Variants in CLIP2 observed in about 807,000 individuals in gnomAD.
CLIP2 encodes the protein CAP-Gly domain containing linker protein 2.
A neutral mutation model predicts 111.7 loss-of-function variants in CLIP2; 41 were observed. The ratio of observed to expected loss-of-function variants is 0.37; its 90% confidence interval spans 0.29 to 0.48. CLIP2 has a LOEUF of 0.48. Among genes scored for constraint, CLIP2 ranks in the 20% least tolerant of loss-of-function variants. CLIP2 has a pLI of 0.99. For synonymous variants in CLIP2, 660 were observed against 644.2 expected, an observed-to-expected ratio of 1.02 and a Z score of -0.37; for missense variants, 1,160 against 1,422.1, an observed-to-expected ratio of 0.82 and a Z score of 2.96.
At chr7:74,303,312 A>T (rs1284638598) in intron 1 of CLIP2, among the ~76,000 whole-genome samples, 1 of 152,192 alleles carries the variant, frequency 6.6e-6, no homozygotes, top group African/African-American at 2.4e-5. Flanking sequence ...GGGTCCGTGG[A>T]GCAGGTGAGG....
chr7:74,325,493 C>T (rs763777582), intron 2 of CLIP2, among the ~76,000 whole-genome samples: 14 of 152,144 alleles, frequency 9.2e-5, no homozygotes, highest in Non-Finnish European at 1.5e-4. Context: ...GTCGCCCCAG[C>T]TGCCGTTCAG....
chr7:74,327,239 A>C (rs1554730773), intron 2 of CLIP2, among the ~76,000 whole-genome samples: 4 of 152,094 alleles, frequency 2.6e-5, no homozygotes, highest in African/African-American at 9.7e-5. Context: ...AGTAGCTGGG[A>C]TTACAGGCAT....
In CLIP2 at chr7:74,376,465, G is replaced by A; in HGVS notation, c.2064G>A (p.Lys688=). ...HVKEKEALRE[K]LQEAQEELAG... Reference sequence around the variant, plus strand: ...AGGAGAAGGAGGCCCTGCGAGAGAAGCTGCAGGAGGCCCAGGAGGAGCTGG... The same window carrying A: ...AGGAGAAGGAGGCCCTGCGAGAGAAACTGCAGGAGGCCCAGGAGGAGCTGG... Residue 688 remains lysine, a synonymous_variant, in exon 10 of 17, where the codon AAG becomes AAA. Transcript: ENST00000223398. This position sits in a 1 kb window ranked among gnomAD's most constrained non-coding sequence, Gnocchi z 7.1. The A allele has an allele frequency of 6.2e-7, 1 of 1,613,384 alleles. No individual in the cohort carries two copies. Among genetic ancestry groups the A allele is most frequent in the Non-Finnish European group, 8.5e-7 (1 of 1,179,902 alleles).
At chr7:74,308,041 A>C (rs1788542170) in intron 1 of CLIP2, among the ~76,000 whole-genome samples, 1 of 152,162 alleles carries the variant, frequency 6.6e-6, no homozygotes, top group Non-Finnish European at 1.5e-5. Context: ...TGACGAAGAC[A>C]GACAAGAACA....
At chr7:74,349,093 A>G (rs1220708602) in intron 3 of CLIP2, among the ~76,000 whole-genome samples, 1 of 152,090 alleles carries the variant, frequency 6.6e-6, no homozygotes, top group Non-Finnish European at 1.5e-5. Context: ...ATGGACAAGC[A>G]CAATGCATTC....
chr7:74,336,090 TAG>T (rs1789448278), intron 2 of CLIP2, among the ~76,000 whole-genome samples: 1 of 151,778 alleles, frequency 6.6e-6, no homozygotes, highest in Non-Finnish European at 1.5e-5. Flanking sequence ...TTCTTTCAGA[TAG>T]AGTCTTGCTC....
chr7:74,319,236 G>A lies in CLIP2; in HGVS notation c.121+1569G>A, dbSNP rs543804916. Among the ~76,000 whole-genome samples, 7 of 152,288 alleles carry A rather than the reference G, an allele frequency of 4.6e-5. No homozygotes were observed. The South Asian group carries it at 8.3e-4, about 18-fold the overall frequency. Reference sequence around the variant, plus strand: ...GATTTGTTAAGAAAGAAAAAGGCCGGGGACGGTGGCTCATGCCTGTAATCC... The same window carrying A: ...GATTTGTTAAGAAAGAAAAAGGCCGAGGACGGTGGCTCATGCCTGTAATCC... On this transcript the variant is annotated intron_variant, in intron 2 of 16. Coordinates refer to ENST00000223398, the MANE Select transcript of CLIP2 (RefSeq NM_003388.5).
At position 74,338,823 on chromosome 7, in the gene CLIP2, C is replaced by T. The variant is rs782204827; in HGVS notation, c.497C>T (p.Ala166Val). 1 of 1,611,190 alleles carries T rather than the reference C, an allele frequency of 6.2e-7. No individual in the cohort carries two copies. Among genetic ancestry groups the T allele is most frequent in the Non-Finnish European group, 8.5e-7 (1 of 1,179,908 alleles). The change falls in exon 3 of 17, where the codon GCC (alanine) becomes GTC (valine). Residue 166 changes from alanine to valine, a missense_variant. Transcript: ENST00000223398. This position sits in a 1 kb window ranked among gnomAD's most constrained non-coding sequence, Gnocchi z 4.3. The part of the protein sequence containing the change: ...SDAHSVESLT[A>V]QNLSLHSGTA... ...GCCCACTCCGTGGAGTCGCTGACTGCCCAGAACCTGTCATTGCATTCGGGC... is the reference window on the plus strand; with the variant it reads ...GCCCACTCCGTGGAGTCGCTGACTGTCCAGAACCTGTCATTGCATTCGGGC...
At chr7:74,328,719 C>T (rs1789190067) in intron 2 of CLIP2, among the ~76,000 whole-genome samples, 1 of 152,034 alleles carries the variant, frequency 6.6e-6, no homozygotes, top group Non-Finnish European at 1.5e-5. Context: ...CTGAAACAGC[C>T]TGCTTGATGC....
chr7:74,364,360 C>G, intron 8 of CLIP2, 45 bp downstream of exon 8: 2 of 1,557,944 alleles, frequency 1.3e-6, no homozygotes, highest in Non-Finnish European at 1.8e-6. Context: ...AGCACCGGTG[C>G]CTGGCCCTTG....
intron 2 of CLIP2, among the ~76,000 whole-genome samples, chr7:74,321,757 C>T (rs769937463): frequency 3.3e-5 from 5 of 151,698 alleles, no homozygotes; most frequent in South Asian, 2.1e-4. Context: ...TGTGAGCCAC[C>T]GCGCCTGGCC....
rs557749235 is a variant in CLIP2, at chr7:74,316,092, C to G, written c.-67-1388C>G. Among the ~76,000 whole-genome samples, 28 of 141,906 alleles carry G rather than the reference C, an allele frequency of 2.0e-4. No homozygotes were observed. In the Admixed American group the frequency reaches 2.1e-3, roughly 11 times the overall value. The allele number at this position is 141,906 out of a possible 152,430, so 93.1% of individuals were successfully genotyped here. On this transcript the variant is annotated intron_variant, in intron 1 of 16. Transcript: ENST00000223398. ...GTTCCCCTCCCTGTGTCCATGTGTT[C>G]TCATTGTCCAGCTCCGACTTACAAG...
At chr7:74,358,043 C>CCATGCCCAGCCCTGCT (rs1554308901) in intron 6 of CLIP2, among the ~76,000 whole-genome samples, 1 of 146,408 alleles carries the variant, frequency 6.8e-6, no homozygotes, top group African/African-American at 2.5e-5. Flanking sequence ...GTGTGAGCCA[C>CCATGCCCAGCCCTGCT]TGCAAGGGTT....
intron 3 of CLIP2, among the ~76,000 whole-genome samples, chr7:74,348,995 T>A (rs78025124): frequency 0.11 from 17,212 of 150,528 alleles, 1,309 homozygotes; most frequent in East Asian, 0.29. Context: ...AGAAAAAATT[T>A]AAAAAAATCT....
intron 7 of CLIP2, among the ~76,000 whole-genome samples, chr7:74,362,897 C>A (rs1790371436): frequency 6.6e-6 from 1 of 152,100 alleles, no homozygotes; most frequent in Non-Finnish European, 1.5e-5. Context: ...TCTGCATTGT[C>A]CTGTGCTTGC....
intron 13 of CLIP2, among the ~76,000 whole-genome samples, chr7:74,389,588 TAAAAAAAAAAAA>T (rs149173666): frequency 0.3 from 31,456 of 105,040 alleles, 3,751 homozygotes; most frequent in Middle Eastern, 0.32. Context: ...CCCCTATCTC[TAAAAAAAAAAAA>T]AAAAAAAAAA....
At chr7:74,371,861 T>C (rs1484333165) in intron 8 of CLIP2, among the ~76,000 whole-genome samples, 1 of 152,144 alleles carries the variant, frequency 6.6e-6, no homozygotes, top group Non-Finnish European at 1.5e-5. Flanking sequence ...TCAATGTCTC[T>C]TAATGAATTG....
At chr7:74,366,995 A>G (rs1320422990) in intron 8 of CLIP2, among the ~76,000 whole-genome samples, 2 of 151,554 alleles carry the variant, frequency 1.3e-5, no homozygotes, top group African/African-American at 2.4e-5. Flanking sequence ...TAACTGCATC[A>G]GGCCAGTCCC....
chr7:74,344,740 C>T (rs980421175), intron 3 of CLIP2, among the ~76,000 whole-genome samples: 14 of 151,952 alleles, frequency 9.2e-5, no homozygotes, highest in Admixed American at 1.3e-4. Context: ...AAAGGACATT[C>T]GAGGTTGGAA....
Sources: allele counts gnomAD v4.1 joint callset (sites outside exome capture counted in the v4.1 genomes callset), GRCh38; gene constraint gnomAD v4.1.1; non-coding constraint Gnocchi (gnomAD v3.1); transcripts MANE v1.5; gene names NCBI Gene and HGNC (gene_info 2026-07-23, HGNC 2026-07-21).